The following DIP2C variants were observed in gnomAD, a reference collection of about 807,000 sequenced individuals.
DIP2C encodes the protein disco-interacting protein 2 homolog C.
Under a neutral mutation model 192.4 loss-of-function variants are expected in DIP2C, and 33 were observed. That is an observed-to-expected ratio of 0.17 (90% confidence interval 0.13 to 0.23). The LOEUF (loss-of-function observed/expected upper bound fraction) is 0.23, where lower values mean the gene tolerates loss of function less well. Among genes scored for constraint, DIP2C ranks in the 10% least tolerant of loss-of-function variants. The pLI, the probability that DIP2C is intolerant of heterozygous loss-of-function variation, is 1.00. For missense variants in DIP2C, 1,537 were observed against 2,110.1 expected, an observed-to-expected ratio of 0.73 and a Z score of 5.32; for synonymous variants, 979 against 864.1, an observed-to-expected ratio of 1.13 and a Z score of -2.33.
chr10:497,778 T>G (rs894008693), intron 1 of DIP2C, among the ~76,000 whole-genome samples: 1 of 152,186 alleles, frequency 6.6e-6, no homozygotes, highest in Non-Finnish European at 1.5e-5. Context: ...TGAAGCAACA[T>G]TCATCATACA....
intron 3 of DIP2C, among the ~76,000 whole-genome samples, chr10:460,599 A>G (rs984723208): frequency 2.0e-5 from 3 of 152,340 alleles, no homozygotes; most frequent in African/African-American, 7.2e-5. Context: ...TCAGTCATTG[A>G]TGGGGAGAAT....
intron 17 of DIP2C, among the ~76,000 whole-genome samples, chr10:377,338 C>G (rs1961742327): frequency 1.3e-5 from 2 of 152,360 alleles, no homozygotes; most frequent in South Asian, 4.1e-4. Context: ...CATCTTCCCG[C>G]TGCACCTCCT....
chr10:655,253 T>C lies in DIP2C; in HGVS notation c.85+34241A>G, dbSNP rs1856207065. 3.9e-5 allele frequency among the ~76,000 whole-genome samples: 6 copies of C among 152,320 alleles called. No individual in the cohort carries two copies. The South Asian group carries it at 1.2e-3, about 32-fold the overall frequency. On this transcript the variant is annotated intron_variant, in intron 1 of 36. Transcript: ENST00000280886. ...GGACCCCTCTTTTTGCTGAGACCTT[T>C]CCTTTTCGCTTAATAAATTCTACTG... is the stretch of plus-strand genomic sequence containing the variant.
rs142217253 is a variant in DIP2C at position 581,662 on chromosome 10, A to G, written c.86-95132T>C. ...GGAACCCACCACCACGAGAGAATCA[A>G]ACAGCAAGGCTGCACACACAGGATG... On this transcript the variant is annotated intron_variant, in intron 1 of 36. Transcript: ENST00000280886. Among the ~76,000 whole-genome samples the G allele has an allele frequency of 7.6e-4, 116 of 152,298 alleles. 1 individual carries two copies. The East Asian group carries it at 0.011, about 15-fold the overall frequency.
intron 1 of DIP2C, among the ~76,000 whole-genome samples, chr10:576,741 C>T (rs1277300192): frequency 1.3e-5 from 2 of 152,046 alleles, no homozygotes; most frequent in African/African-American, 2.4e-5. Flanking sequence ...AACCCCATCT[C>T]GACTAAAAAT....
chr10:609,864 G>A (rs1227417485), intron 1 of DIP2C, among the ~76,000 whole-genome samples: 2 of 152,146 alleles, frequency 1.3e-5, no homozygotes, highest in East Asian at 1.9e-4. Flanking sequence ...ACCAATTAGA[G>A]ACAGAAACCC....
intron 1 of DIP2C, among the ~76,000 whole-genome samples, chr10:672,741 C>G (rs372030064): frequency 2.0e-3 from 310 of 152,320 alleles, no homozygotes; most frequent in African/African-American, 5.2e-3. Context: ...TATTTCTTTT[C>G]CAGAAACCAC....
At chr10:685,508 A>C (rs1297861253) in intron 1 of DIP2C, among the ~76,000 whole-genome samples, 1 of 152,084 alleles carries the variant, frequency 6.6e-6, no homozygotes, top group Admixed American at 6.6e-5. Context: ...CTATATTATG[A>C]GTTCTATCAA....
intron 1 of DIP2C, among the ~76,000 whole-genome samples, chr10:554,624 A>G (rs1328460036): frequency 6.6e-6 from 1 of 152,216 alleles, no homozygotes; most frequent in Admixed American, 6.5e-5. Flanking sequence ...TCTCCTCCCC[A>G]CTGCCCTGTT....
intron 2 of DIP2C, chr10:484,953 A>T: frequency 6.2e-7 from 1 of 1,603,638 alleles, no homozygotes; most frequent in Non-Finnish European, 8.5e-7. Context: ...TCGCTGCTGT[A>T]ACAAGTTGAA....
At chr10:412,299 A>T (rs1480636226) in intron 8 of DIP2C, among the ~76,000 whole-genome samples, 2 of 152,248 alleles carry the variant, frequency 1.3e-5, no homozygotes, top group Non-Finnish European at 2.9e-5. Flanking sequence ...CAGAGTGAAC[A>T]CATGCACCCG....
rs137893310 is a variant in DIP2C at position 447,131 on chromosome 10, G to A, written c.269-6135C>T. 2.4e-3 allele frequency among the ~76,000 whole-genome samples: 373 copies of A among 152,308 alleles called. 1 individual carries two copies. Among genetic ancestry groups the A allele is most frequent in the Non-Finnish European group, 4.2e-3 (284 of 68,028 alleles). On this transcript the variant is annotated intron_variant, in intron 3 of 36. Transcript: ENST00000280886. ...GGACATTCCCAGGCCAGAAACAAAG[G>A]GCTTGTCACACACAGTGGGGCAGCA...
intron 1 of DIP2C, among the ~76,000 whole-genome samples, chr10:560,735 C>CAT (rs1238432438): frequency 6.6e-6 from 1 of 152,172 alleles, no homozygotes; most frequent in Non-Finnish European, 1.5e-5. Flanking sequence ...CCCCCCTGGC[C>CAT]ATCTCAACAG....
At chr10:559,835 G>A (rs992071966) in intron 1 of DIP2C, among the ~76,000 whole-genome samples, 3 of 152,186 alleles carry the variant, frequency 2.0e-5, no homozygotes, top group African/African-American at 7.2e-5. Flanking sequence ...TCAGGGTTCA[G>A]CACAGCACGG....
intron 1 of DIP2C, among the ~76,000 whole-genome samples, chr10:639,451 GT>G: frequency 6.7e-6 from 1 of 149,390 alleles, no homozygotes; most frequent in South Asian, 2.1e-4. Context: ...GGTTGGGAGG[GT>G]GCTGCCCGGC....
Position 484,868 on chromosome 10 carries a change from T to C in DIP2C, c.157+1591A>G, listed in dbSNP as rs537114260. ...GCTTCTCGGACGTCGCACACCCCGA[T>C]GTGGGCAGAGCGGAATGTTCTCCTC... is the stretch of plus-strand genomic sequence containing the variant. On this transcript the variant is annotated intron_variant, in intron 2 of 36. Coordinates refer to ENST00000280886, the MANE Select transcript of DIP2C (RefSeq NM_014974.3). 650 of 1,611,864 alleles carry C rather than the reference T, an allele frequency of 4.0e-4. 6 individuals are homozygous for C. The South Asian group carries it at 4.3e-3, about 11-fold the overall frequency.
intron 32 of DIP2C, among the ~76,000 whole-genome samples, chr10:305,279 T>G (rs1956263893): frequency 6.6e-6 from 1 of 152,086 alleles, no homozygotes; most frequent in African/African-American, 2.4e-5. Context: ...GCAGACACTA[T>G]TCACACACTT....
intron 30 of DIP2C, among the ~76,000 whole-genome samples, chr10:327,678 C>G (rs1253342319): frequency 6.6e-6 from 1 of 152,162 alleles, no homozygotes; most frequent in African/African-American, 2.4e-5. Context: ...GGACTGCAGA[C>G]ATGTACCACC....
intron 2 of DIP2C, among the ~76,000 whole-genome samples, chr10:481,146 T>C (rs1376201401): frequency 6.6e-6 from 1 of 152,036 alleles, no homozygotes. Context: ...ACTGCGCACC[T>C]GCCCCGGGAA....
Sources: gnomAD v4.1 joint callset for allele counts (sites outside exome capture counted in the v4.1 genomes callset) on GRCh38, gnomAD v4.1.1 for gene constraint, MANE v1.5 for transcripts, NCBI Gene and HGNC (gene_info 2026-07-23, HGNC 2026-07-21) for gene names.